The following ANKS1B variants were observed in gnomAD, a reference collection of about 807,000 sequenced individuals.
The protein encoded by ANKS1B is ankyrin repeat and sterile alpha motif domain-containing protein 1B.
ANKS1B carries 36 observed loss-of-function variants against 148.3 expected under a neutral mutation model. The observed-to-expected ratio is 0.24, with a 90% confidence interval of 0.19 to 0.32. ANKS1B has a LOEUF of 0.32. ANKS1B is among the 10% of genes least tolerant of loss of function. The pLI is 1.00. For synonymous variants in ANKS1B, 542 were observed against 560.8 expected (o/e 0.97, Z 0.47); for missense variants, 1,157 against 1,542.6 (o/e 0.75, Z 4.19).
At chr12:99,497,326 A>G (rs1324572160) in intron 10 of ANKS1B, among the ~76,000 whole-genome samples, 4 of 152,170 alleles carry the variant, frequency 2.6e-5, no homozygotes, top group African/African-American at 4.8e-5. Flanking sequence ...CTTCTGACAT[A>G]TTTTTAATTT....
intron 17 of ANKS1B, among the ~76,000 whole-genome samples, chr12:98,957,153 T>G (rs527748361): frequency 6.6e-6 from 1 of 152,288 alleles, no homozygotes; most frequent in Admixed American, 6.5e-5. Flanking sequence ...TGGGATTTCC[T>G]TCTTTATCCC....
intron 17 of ANKS1B, among the ~76,000 whole-genome samples, chr12:98,996,812 CAAAAAAAAA>C (rs1160748107): frequency 2.5e-4 from 10 of 40,626 alleles, no homozygotes; most frequent in Non-Finnish European, 3.0e-4. Flanking sequence ...GACTCTATCT[CAAAAAAAAA>C]AAAAAAAAAA....
chr12:99,321,667 C>A (rs2085298107), intron 12 of ANKS1B, among the ~76,000 whole-genome samples: 1 of 152,194 alleles, frequency 6.6e-6, no homozygotes, highest in African/African-American at 2.4e-5. Context: ...TAAGGCGATG[C>A]CCCGCCCTGC....
chr12:99,908,656 A>G lies in ANKS1B; in HGVS notation c.134+75448T>C, dbSNP rs2093883565. ...AATTCTTTAAGTTATTAAGAAGCCAATGTCAATCTCTCATCCACTGCAGGA... is the reference window on the plus strand; with the variant it reads ...AATTCTTTAAGTTATTAAGAAGCCAGTGTCAATCTCTCATCCACTGCAGGA... On this transcript the variant is annotated intron_variant, in intron 1 of 26. Coordinates refer to ENST00000683438, the MANE Select transcript of ANKS1B (RefSeq NM_001352186.2). 2.6e-5 allele frequency among the ~76,000 whole-genome samples: 4 copies of G among 152,294 alleles called. No individual in the cohort carries two copies. In the South Asian group the frequency reaches 8.3e-4, roughly 32 times the overall value.
chr12:99,855,062 C>T (rs1481937061), intron 1 of ANKS1B, among the ~76,000 whole-genome samples: 2 of 151,792 alleles, frequency 1.3e-5, no homozygotes, highest in African/African-American at 2.4e-5. Context: ...TCGATACTAA[C>T]ATTGAATGTA....
At chr12:99,369,701 G>A (rs1473961736) in intron 12 of ANKS1B, among the ~76,000 whole-genome samples, 1 of 151,878 alleles carries the variant, frequency 6.6e-6, no homozygotes, top group Non-Finnish European at 1.5e-5. Context: ...TTTTCAGCAA[G>A]CAAGATAGAA....
At chr12:99,035,296 TA>T (rs2099954807) in intron 17 of ANKS1B, among the ~76,000 whole-genome samples, 1 of 152,276 alleles carries the variant, frequency 6.6e-6, no homozygotes, top group South Asian at 2.1e-4. Flanking sequence ...TTATCTGACT[TA>T]CCTTGTTTGA....
chr12:99,439,809 CAT>C (rs1191661835), intron 11 of ANKS1B, among the ~76,000 whole-genome samples: 1 of 151,664 alleles, frequency 6.6e-6, no homozygotes, highest in Non-Finnish European at 1.5e-5. Flanking sequence ...TATATGAAAA[CAT>C]ATGTTTATAA....
chr12:98,836,956 A>G (rs780104055), intron 17 of ANKS1B, among the ~76,000 whole-genome samples: 5 of 152,200 alleles, frequency 3.3e-5, no homozygotes, highest in Admixed American at 6.5e-5. Flanking sequence ...AAATAACTAC[A>G]TTATCACACC....
At chr12:99,048,140 A>G (rs1031795386) in intron 17 of ANKS1B, among the ~76,000 whole-genome samples, 2 of 152,226 alleles carry the variant, frequency 1.3e-5, no homozygotes, top group Non-Finnish European at 2.9e-5. Flanking sequence ...ATGTTCAGGC[A>G]TGGAATAGGG....
chr12:98,815,845 G>T (rs201427), intron 19 of ANKS1B, among the ~76,000 whole-genome samples: 123,774 of 152,156 alleles, frequency 0.81, 50,650 homozygotes, highest in East Asian at 1. Flanking sequence ...GGCTTCTTAC[G>T]GGTCTCACTG....
At chr12:99,812,127 A>G (rs764851673) in intron 3 of ANKS1B, 28 bp downstream of exon 3, 25 of 1,593,744 alleles carry the variant, frequency 1.6e-5, no homozygotes, top group Non-Finnish European at 2.1e-5. Flanking sequence ...GAAAAATTAC[A>G]TCATGAGCAA....
chr12:98,866,495 G>A (rs1352180075), intron 17 of ANKS1B, among the ~76,000 whole-genome samples: 1 of 152,088 alleles, frequency 6.6e-6, no homozygotes, highest in Non-Finnish European at 1.5e-5. Flanking sequence ...GTGCACATTG[G>A]GAGGGCTTAG....
At chr12:99,168,554 A>G (rs1566538895) in intron 14 of ANKS1B, among the ~76,000 whole-genome samples, 1 of 152,082 alleles carries the variant, frequency 6.6e-6, no homozygotes, top group Non-Finnish European at 1.5e-5. Flanking sequence ...AAAATAAAGT[A>G]GAAAAAGAAA....
chr12:99,984,050 C>T, intron 1 of ANKS1B, 54 bp downstream of exon 1: 1 of 1,459,452 alleles, frequency 6.9e-7, no homozygotes, highest in Non-Finnish European at 9.4e-7. Flanking sequence ...GGACGTATAT[C>T]CATCACAATG....
intron 1 of ANKS1B, among the ~76,000 whole-genome samples, chr12:99,866,750 G>T (rs746082416): frequency 1.2e-4 from 18 of 152,062 alleles, no homozygotes; most frequent in Admixed American, 2.0e-4. Flanking sequence ...AAATAAATCA[G>T]TAAAAGAAAA....
intron 22 of ANKS1B, among the ~76,000 whole-genome samples, chr12:98,796,361 C>A (rs959283112): frequency 2.0e-5 from 3 of 152,124 alleles, no homozygotes; most frequent in African/African-American, 7.2e-5. Flanking sequence ...TACCATGAAT[C>A]AACTTTTTAG....
intron 12 of ANKS1B, among the ~76,000 whole-genome samples, chr12:99,261,390 G>C (rs2075909105): frequency 6.6e-6 from 1 of 152,056 alleles, no homozygotes; most frequent in Non-Finnish European, 1.5e-5. Flanking sequence ...TCCAAATGTG[G>C]AAGCATTCAA....
At chr12:98,910,269 G>A (rs762422157) in intron 17 of ANKS1B, among the ~76,000 whole-genome samples, 6 of 152,114 alleles carry the variant, frequency 3.9e-5, no homozygotes, top group South Asian at 2.1e-4. Context: ...GTGTCTGTAC[G>A]CATCTCAGTC....
Sources: gnomAD v4.1 joint callset for allele counts (sites outside exome capture counted in the v4.1 genomes callset) on GRCh38, gnomAD v4.1.1 for gene constraint, MANE v1.5 for transcripts, NCBI Gene and HGNC (gene_info 2026-07-23, HGNC 2026-07-21) for gene names.